CASZ1: variants seen among roughly 807,000 people sequenced by gnomAD.
CASZ1 encodes the protein zinc finger protein castor homolog 1.
Under a neutral mutation model 135.2 loss-of-function variants are expected in CASZ1, and 28 were observed. The observed-to-expected ratio is 0.21, with a 90% confidence interval of 0.15 to 0.28. CASZ1 has a LOEUF of 0.28. Ranked by LOEUF, CASZ1 falls within the 10% of genes least tolerant of loss-of-function variation. CASZ1 has a pLI of 1.00. For synonymous variants in CASZ1, 1,068 were observed against 1,073.4 expected (o/e 0.99, Z 0.10); for missense variants, 2,161 against 2,453.3 (o/e 0.88, Z 2.52).
In CASZ1 at chr1:10,777,454, T is replaced by C. The variant is rs550674713; in HGVS notation, c.-233-16597A>G. On this transcript the variant is annotated intron_variant, in intron 1 of 20. Transcript: ENST00000377022. The surrounding 1 kb of genome is among the most constrained non-coding windows in gnomAD (Gnocchi z 4.4). ...GCTCATGCGGAAGGAAGAATTGCCA[T>C]TCAGCCCCGGATCCGGCCAGAGCAC... Among the ~76,000 whole-genome samples the C allele has an allele frequency of 6.6e-6, 1 of 152,268 alleles. No individual in the cohort carries two copies. Among genetic ancestry groups the C allele is most frequent in the Admixed American group, 6.5e-5 (1 of 15,292 alleles).
At chr1:10,787,680 C>T (rs1486720684) in intron 1 of CASZ1, among the ~76,000 whole-genome samples, 2 of 152,132 alleles carry the variant, frequency 1.3e-5, no homozygotes, top group Non-Finnish European at 2.9e-5. Context: ...TACACACACG[C>T]TCACCCACCC....
intron 2 of CASZ1, among the ~76,000 whole-genome samples, chr1:10,740,952 T>C (rs1639905931): frequency 3.1e-5 from 2 of 65,114 alleles, no homozygotes; most frequent in African/African-American, 4.9e-5. Flanking sequence ...GGTGAGACCC[T>C]GTCTGGACAA....
At position 10,717,704 on chromosome 1, in the gene CASZ1, C is replaced by A. The variant is rs574355701; in HGVS notation, c.-76-12160G>T. Among the ~76,000 whole-genome samples, 2 of 152,238 alleles carry A rather than the reference C, an allele frequency of 1.3e-5. No individual in the cohort carries two copies. The highest frequency in any genetic ancestry group is 4.1e-4 in the South Asian group (2 of 4,820). On this transcript the variant is annotated intron_variant, in intron 2 of 20. Transcript: ENST00000377022. The surrounding 1 kb of genome is among the most constrained non-coding windows in gnomAD (Gnocchi z 4.6). ...GTAGAAAACCCTTGCCAATTCCCCC[C>A]CAACTGATGTCAGAGCTGCCGGCAC... is the stretch of plus-strand genomic sequence containing the variant.
intron 20 of CASZ1, 29 bp downstream of exon 20, chr1:10,642,830 C>T: frequency 6.2e-7 from 1 of 1,607,680 alleles, no homozygotes; most frequent in South Asian, 1.1e-5. Flanking sequence ...GGGGCCTGGC[C>T]CTGCCAGCAG....
chr1:10,771,258 C>G (rs1640570917), intron 1 of CASZ1, among the ~76,000 whole-genome samples: 2 of 118,430 alleles, frequency 1.7e-5, no homozygotes, highest in Non-Finnish European at 3.4e-5. Context: ...TGGTTTCAGG[C>G]AGGTTGGGGA....
At position 10,653,774 on chromosome 1, in the gene CASZ1, C is replaced by G; in HGVS notation, c.2283G>C (p.Gly761=). 1.9e-6 allele frequency: 3 copies of G among 1,610,832 alleles called. No individual in the cohort carries two copies. Among genetic ancestry groups the G allele is most frequent in the Non-Finnish European group, 2.5e-6 (3 of 1,178,378 alleles). Residue 761 remains glycine (G), a synonymous_variant, in exon 11 of 21, where the codon GGG becomes GGC. Coordinates refer to ENST00000377022, the MANE Select transcript of CASZ1 (RefSeq NM_001079843.3). ...LAAATAATEA[G]PSATKPPNSK... ...TGTTGGGAGGTTTGGTGGCACTGGG[C>G]CCAGCCTCGGTGGCGGCAGTGGCGG...
intron 4 of CASZ1, among the ~76,000 whole-genome samples, chr1:10,689,382 T>C (rs1638694734): frequency 1.3e-5 from 2 of 152,180 alleles, no homozygotes; most frequent in Admixed American, 1.3e-4. Flanking sequence ...AAACCCAAGC[T>C]GCAGCTCAGC....
Position 10,680,637 on chromosome 1 carries a change from C to T in CASZ1, c.16+13237G>A, listed in dbSNP as rs552922140. Among the ~76,000 whole-genome samples, 4 of 152,268 alleles carry T rather than the reference C, an allele frequency of 2.6e-5. No individual in the cohort carries two copies. In the South Asian group the frequency reaches 6.2e-4, roughly 24 times the overall value. On this transcript the variant is annotated intron_variant, in intron 4 of 20. Transcript: ENST00000377022. ...GGAGGGCGTCCAAGAGGCCACACCC[C>T]GGCTGGGCCCTGAGGTCAGCGGGTG...
Position 10,642,861 on chromosome 1 carries a change from G to A in CASZ1, c.4160C>T (p.Ala1387Val). The A allele has an allele frequency of 6.2e-7, 1 of 1,612,342 alleles. No individual in the cohort carries two copies. ...AGCAGCCCCTGCCTGCCGCTCACCTGCCGCGGTGCTCTCGTTACCCACGGG... is the reference window on the plus strand; with the variant it reads ...AGCAGCCCCTGCCTGCCGCTCACCTACCGCGGTGCTCTCGTTACCCACGGG... ...STPVGNESTA[A>V]GNTISMPTAS... is the part of the protein sequence containing the mutation. Residue 1387 changes from alanine (A) to valine (V), a missense_variant and splice_region_variant, in exon 20 of 21, where the codon GCA becomes GTA. Transcript: ENST00000377022.
intron 3 of CASZ1, among the ~76,000 whole-genome samples, chr1:10,702,204 C>T (rs1639076056): frequency 6.6e-6 from 1 of 152,146 alleles, no homozygotes; most frequent in African/African-American, 2.4e-5. Flanking sequence ...CAGGCCAGCC[C>T]TGGCGGGGTC....
chr1:10,730,724 A>G (rs921480574), intron 2 of CASZ1, among the ~76,000 whole-genome samples: 1 of 152,230 alleles, frequency 6.6e-6, no homozygotes, highest in African/African-American at 2.4e-5. Context: ...TGGAAAACTT[A>G]TATCTGCCAC....
In CASZ1 at chr1:10,646,532, T is replaced by G. The variant is rs569434849; in HGVS notation, c.3498-206A>C. 1.2e-4 allele frequency among the ~76,000 whole-genome samples: 19 copies of G among 152,254 alleles called. No homozygotes were observed. The highest frequency in any genetic ancestry group is 2.1e-4 in the Non-Finnish European group (14 of 68,038). ...CATTCCTGCCTCCTTTTAGGAGCTC[T>G]GCATGGTGCACAGGGATTGCAATAT... On this transcript the variant is annotated intron_variant, in intron 16 of 20. Transcript: ENST00000377022. The surrounding 1 kb of genome is among the most constrained non-coding windows in gnomAD (Gnocchi z 6.4).
intron 2 of CASZ1, among the ~76,000 whole-genome samples, chr1:10,708,971 A>AAG (rs764205213): frequency 4.1e-5 from 1 of 24,336 alleles, no homozygotes; most frequent in African/African-American, 1.1e-4. Flanking sequence ...GAGGACGGGG[A>AAG]GGGGGGGGGC....
chr1:10,673,551 C>T (rs1643473638), intron 4 of CASZ1, among the ~76,000 whole-genome samples: 1 of 152,102 alleles, frequency 6.6e-6, no homozygotes, highest in Non-Finnish European at 1.5e-5. Context: ...GGAGACAGCC[C>T]CAGTTCTAAC....
intron 13 of CASZ1, 119 bp downstream of exon 13, chr1:10,650,573 G>T (rs185216589): frequency 1.2e-6 from 1 of 827,810 alleles, no homozygotes; most frequent in African/African-American, 1.7e-5. Context: ...AATTTAAATG[G>T]TACAAACTCA....
intron 2 of CASZ1, among the ~76,000 whole-genome samples, chr1:10,729,436 C>A (rs1475012935): frequency 6.6e-6 from 1 of 152,130 alleles, no homozygotes; most frequent in Admixed American, 6.5e-5. Flanking sequence ...ATCTTTCCCA[C>A]CGCAGCTCCT....
At position 10,698,109 on chromosome 1, in the gene CASZ1, G is replaced by A. The variant is rs1215361026; in HGVS notation, c.-23-4197C>T. 1.1e-4 allele frequency among the ~76,000 whole-genome samples: 17 copies of A among 152,346 alleles called. No individual in the cohort carries two copies. The South Asian group carries it at 2.5e-3, about 22-fold the overall frequency. On this transcript the variant is annotated intron_variant, in intron 3 of 20. Coordinates refer to ENST00000377022, the MANE Select transcript of CASZ1 (RefSeq NM_001079843.3). ...AGAAAGGAGCCACAGAGTGGGTGGC[G>A]GAGCGAGGGCCGCGCCGAGTGTAAG...
chr1:10,670,552 C>T (rs1382045411), intron 4 of CASZ1, among the ~76,000 whole-genome samples: 2 of 152,208 alleles, frequency 1.3e-5, no homozygotes, highest in Non-Finnish European at 2.9e-5. Context: ...TCTTGAGTAC[C>T]GTGTACAGAC....
At chr1:10,736,851 A>G (rs1282302422) in intron 2 of CASZ1, among the ~76,000 whole-genome samples, 2 of 152,168 alleles carry the variant, frequency 1.3e-5, no homozygotes, top group African/African-American at 4.8e-5. Flanking sequence ...CTATGGGGAC[A>G]AGGGGAAGGC....
Sources: gnomAD v4.1 joint callset for allele counts (sites outside exome capture counted in the v4.1 genomes callset) on GRCh38, gnomAD v4.1.1 for gene constraint, Gnocchi (gnomAD v3.1) non-coding constraint, MANE v1.5 for transcripts, NCBI Gene and HGNC (gene_info 2026-07-23, HGNC 2026-07-21) for gene names.